SOX5: variants seen among roughly 807,000 people sequenced by gnomAD.
SOX5 encodes the protein SRY-box transcription factor 5.
Under a neutral mutation model 92.0 loss-of-function variants are expected in SOX5, and 9 were observed. The ratio of observed to expected loss-of-function variants is 0.10; its 90% confidence interval spans 0.06 to 0.17. The LOEUF (loss-of-function observed/expected upper bound fraction) is 0.17, where lower values mean the gene tolerates loss of function less well. SOX5 is among the 10% of genes least tolerant of loss of function. The probability of loss-of-function intolerance (pLI) is 1.00; values close to 1 mark genes in which losing one functional copy is unlikely to be tolerated. For missense variants in SOX5, 642 were observed against 944.5 expected, an observed-to-expected ratio of 0.68 and a Z score of 4.20; for synonymous variants, 344 against 336.3, an observed-to-expected ratio of 1.02 and a Z score of -0.25.
chr12:24,194,385 GTATC>G (rs1279184553), intron 4 of SOX5, among the ~76,000 whole-genome samples: 2 of 151,988 alleles, frequency 1.3e-5, no homozygotes, highest in Non-Finnish European at 2.9e-5. Context: ...GCAGGTGTCT[GTATC>G]TATCTATCTA....
chr12:23,979,696 A>ATTTTTTTTTTTT (rs1248234590), intron 4 of SOX5, among the ~76,000 whole-genome samples: 1 of 27,430 alleles, frequency 3.6e-5, no homozygotes, highest in Non-Finnish European at 7.5e-5. Flanking sequence ...ATATATATAT[A>ATTTTTTTTTTTT]TGTTTTTTTT....
chr12:24,519,128 C>G (rs1262650008), intron 1 of SOX5, among the ~76,000 whole-genome samples: 2 of 152,220 alleles, frequency 1.3e-5, no homozygotes, highest in African/African-American at 2.4e-5. Context: ...ATAAAATTCT[C>G]TCTCATTAAA....
intron 4 of SOX5, among the ~76,000 whole-genome samples, chr12:24,096,758 T>G (rs1005969223): frequency 1.4e-4 from 21 of 152,318 alleles, no homozygotes; most frequent in African/African-American, 5.1e-4. Context: ...TTATTAGTGC[T>G]ATTATAAATA....
intron 6 of SOX5, among the ~76,000 whole-genome samples, chr12:23,696,822 A>G (rs2089945772): frequency 6.6e-6 from 1 of 151,974 alleles, no homozygotes; most frequent in Admixed American, 6.6e-5. Flanking sequence ...ATATTTTCTC[A>G]TTTTCCTTAT....
At chr12:24,356,747 T>C (rs1212713524) in intron 2 of SOX5, among the ~76,000 whole-genome samples, 5 of 152,182 alleles carry the variant, frequency 3.3e-5, no homozygotes, top group Admixed American at 2.0e-4. Flanking sequence ...CATCAACAAA[T>C]TGGTGTTTTC....
intron 1 of SOX5, among the ~76,000 whole-genome samples, chr12:23,927,034 A>C (rs763351372): frequency 3.9e-4 from 59 of 152,132 alleles, no homozygotes; most frequent in Non-Finnish European, 7.4e-4. Context: ...CAAATTTTAA[A>C]AATTAGAACA....
intron 1 of SOX5, among the ~76,000 whole-genome samples, chr12:24,438,555 A>G (rs940863008): frequency 9.2e-5 from 14 of 152,214 alleles, no homozygotes; most frequent in African/African-American, 3.4e-4. Flanking sequence ...TCTAGATGCC[A>G]TTAAGAGCAT....
intron 9 of SOX5, among the ~76,000 whole-genome samples, chr12:23,579,542 C>G (rs1158832467): frequency 6.6e-6 from 1 of 152,034 alleles, no homozygotes; most frequent in Non-Finnish European, 1.5e-5. Context: ...ACTAGTTTCC[C>G]ATTTTCTATT....
At chr12:24,056,415 A>T (rs950258698) in intron 4 of SOX5, among the ~76,000 whole-genome samples, 1 of 152,234 alleles carries the variant, frequency 6.6e-6, no homozygotes, top group African/African-American at 2.4e-5. Flanking sequence ...GTTTTTAAAA[A>T]GTCAGACTAT....
intron 3 of SOX5, among the ~76,000 whole-genome samples, chr12:24,270,461 G>A (rs1943582554): frequency 6.6e-6 from 1 of 152,096 alleles, no homozygotes; most frequent in South Asian, 2.1e-4. Flanking sequence ...CCCACTTAAA[G>A]CATAAAACAC....
At chr12:24,276,788 C>T (rs951304346) in intron 3 of SOX5, among the ~76,000 whole-genome samples, 2 of 152,050 alleles carry the variant, frequency 1.3e-5, no homozygotes, top group Non-Finnish European at 2.9e-5. Flanking sequence ...GAATCATACC[C>T]TGGAATACTT....
At chr12:23,835,663 T>C (rs1346375344) in intron 3 of SOX5, among the ~76,000 whole-genome samples, 6 of 151,844 alleles carry the variant, frequency 4.0e-5, no homozygotes, top group Non-Finnish European at 2.9e-5. Context: ...TATTATTCAA[T>C]ACTATTAAAT....
chr12:23,754,280 T>C (rs1178878302), intron 4 of SOX5, among the ~76,000 whole-genome samples: 1 of 151,852 alleles, frequency 6.6e-6, no homozygotes. Flanking sequence ...TCTTCGCTGC[T>C]CTACTCTGAG....
intron 7 of SOX5, among the ~76,000 whole-genome samples, chr12:23,643,468 C>T (rs888277518): frequency 3.9e-5 from 6 of 152,100 alleles, no homozygotes; most frequent in African/African-American, 1.4e-4. Flanking sequence ...AGGGGAAAAG[C>T]CCTCATAGGA....
At chr12:24,286,799 A>T (rs1257784244) in intron 2 of SOX5, among the ~76,000 whole-genome samples, 1 of 152,236 alleles carries the variant, frequency 6.6e-6, no homozygotes, top group Non-Finnish European at 1.5e-5. Flanking sequence ...CAAATGACTT[A>T]GGGTGTATGA....
chr12:23,829,060 G>C (rs1009172676), intron 3 of SOX5, among the ~76,000 whole-genome samples: 1 of 151,950 alleles, frequency 6.6e-6, no homozygotes, highest in Non-Finnish European at 1.5e-5. Context: ...GAAATTCTGA[G>C]TGAGCTCTCC....
intron 4 of SOX5, among the ~76,000 whole-genome samples, chr12:24,022,634 C>A (rs1050728337): frequency 6.6e-6 from 1 of 152,046 alleles, no homozygotes; most frequent in African/African-American, 2.4e-5. Flanking sequence ...ACTAGAGTGG[C>A]ACCTTGCTCC....
Position 23,531,452 on chromosome 12 carries a change from G to A in SOX5, c.*2767C>T, listed in dbSNP as rs1939070253. 6.6e-6 allele frequency: 1 copy of A among 152,148 alleles called. No homozygotes were observed. The allele number at this position is 152,148 out of a possible 1,614,324, so 9.4% of individuals were successfully genotyped here. On this transcript the variant is annotated 3_prime_UTR_variant, in exon 15 of 15. Transcript: ENST00000451604. Reference sequence around the variant, plus strand: ...GAATGCCTTCAATGGCATCTACCTGGAGCTAAAACAAAGTATTCTTGTAGC... The same window carrying A: ...GAATGCCTTCAATGGCATCTACCTGAAGCTAAAACAAAGTATTCTTGTAGC...
At chr12:23,562,237 A>G (rs932049521) in intron 11 of SOX5, among the ~76,000 whole-genome samples, 14 of 152,118 alleles carry the variant, frequency 9.2e-5, no homozygotes, top group African/African-American at 3.1e-4. Flanking sequence ...TAGAATTGAA[A>G]TCGTTTCTCC....
Sources: gnomAD v4.1 joint callset for allele counts (sites outside exome capture counted in the v4.1 genomes callset) on GRCh38, gnomAD v4.1.1 for gene constraint, MANE v1.5 for transcripts, NCBI Gene and HGNC (gene_info 2026-07-23, HGNC 2026-07-21) for gene names.